Variants in GRID1 observed in about 807,000 individuals in gnomAD.
GRID1 encodes the protein glutamate receptor ionotropic, delta-1.
A neutral mutation model predicts 98.0 loss-of-function variants in GRID1; 28 were observed. That is an observed-to-expected ratio of 0.29 (90% CI 0.21 to 0.39). The LOEUF (loss-of-function observed/expected upper bound fraction) is 0.39, where lower values mean the gene tolerates loss of function less well. Among genes scored for constraint, GRID1 ranks in the 10% least tolerant of loss-of-function variants. The probability of loss-of-function intolerance (pLI) is 1.00; values close to 1 mark genes in which losing one functional copy is unlikely to be tolerated. For synonymous variants in GRID1, 553 were observed against 538.5 expected (o/e 1.03, Z -0.37); for missense variants, 1,111 against 1,340.5 (o/e 0.83, Z 2.67).
chr10:85,905,729 T>A (rs530892577), intron 5 of GRID1, among the ~76,000 whole-genome samples: 135 of 152,226 alleles, frequency 8.9e-4, no homozygotes, highest in African/African-American at 3.1e-3. Flanking sequence ...CTATAAATCC[T>A]AAGCAACTAC....
chr10:85,886,764 TG>T (rs1290714583), intron 5 of GRID1, among the ~76,000 whole-genome samples: 1 of 152,226 alleles, frequency 6.6e-6, no homozygotes, highest in East Asian at 1.9e-4. Context: ...ATATATATTT[TG>T]GCAAACCAGG....
intron 4 of GRID1, among the ~76,000 whole-genome samples, chr10:86,052,228 G>A (rs1305609157): frequency 2.0e-5 from 3 of 152,236 alleles, no homozygotes; most frequent in Non-Finnish European, 2.9e-5. Context: ...AGAAGTGAAG[G>A]AATGTGAATT....
chr10:86,044,307 G>C (rs1843388816), intron 4 of GRID1, among the ~76,000 whole-genome samples: 3 of 152,166 alleles, frequency 2.0e-5, no homozygotes, highest in Admixed American at 6.5e-5. Flanking sequence ...CTACTTGCTT[G>C]CTAATCATAG....
intron 8 of GRID1, among the ~76,000 whole-genome samples, chr10:85,798,167 G>A (rs1359177600): frequency 6.6e-6 from 1 of 152,170 alleles, no homozygotes; most frequent in Admixed American, 6.5e-5. Context: ...TCTATTTTAA[G>A]TTCTTAACAA....
intron 4 of GRID1, among the ~76,000 whole-genome samples, chr10:85,955,176 T>C (rs533942813): frequency 6.6e-6 from 1 of 152,276 alleles, no homozygotes; most frequent in Non-Finnish European, 1.5e-5. Flanking sequence ...CATCTCCCTG[T>C]CCCTTGGATG....
In GRID1 at chr10:86,175,628, C is replaced by A. The variant is rs370765960; in HGVS notation, c.520+30736G>T. 1.6e-4 allele frequency among the ~76,000 whole-genome samples: 24 copies of A among 152,336 alleles called. No homozygotes were observed. In the East Asian group the frequency reaches 4.0e-3, roughly 26 times the overall value. On this transcript the variant is annotated intron_variant, in intron 3 of 15. Coordinates refer to ENST00000327946, the MANE Select transcript of GRID1 (RefSeq NM_017551.3). ...GTGGTTGACACTCACACCAATGCACCTCCAGTGCCCAGAGCTGTGCCTGGC... is the reference window on the plus strand; with the variant it reads ...GTGGTTGACACTCACACCAATGCACATCCAGTGCCCAGAGCTGTGCCTGGC...
intron 3 of GRID1, among the ~76,000 whole-genome samples, chr10:86,164,239 C>A (rs1166400255): frequency 1.3e-5 from 2 of 152,188 alleles, no homozygotes; most frequent in South Asian, 2.1e-4. Flanking sequence ...GGGGGAGGCT[C>A]CAGCCCAGCG....
At chr10:86,151,047 T>G (rs1472303178) in intron 3 of GRID1, among the ~76,000 whole-genome samples, 1 of 152,178 alleles carries the variant, frequency 6.6e-6, no homozygotes, top group Non-Finnish European at 1.5e-5. Context: ...TGAAGTAATT[T>G]GCATATACTG....
At chr10:86,072,193 G>A (rs184024309) in intron 4 of GRID1, among the ~76,000 whole-genome samples, 7 of 152,224 alleles carry the variant, frequency 4.6e-5, no homozygotes, top group African/African-American at 9.6e-5. Flanking sequence ...TATTTCAGAC[G>A]TTCAAGTTTA....
chr10:86,112,384 G>A (rs957584782), intron 4 of GRID1, among the ~76,000 whole-genome samples: 5 of 152,170 alleles, frequency 3.3e-5, no homozygotes, highest in East Asian at 3.9e-4. Flanking sequence ...TGAATGTCAC[G>A]TCAAGAATCT....
At chr10:85,651,472 A>G (rs908431004) in intron 12 of GRID1, among the ~76,000 whole-genome samples, 1 of 152,198 alleles carries the variant, frequency 6.6e-6, no homozygotes, top group Non-Finnish European at 1.5e-5. Context: ...TCTTGCTGCC[A>G]AGGTACATGC....
At chr10:86,163,401 C>T (rs935723542) in intron 3 of GRID1, among the ~76,000 whole-genome samples, 5 of 145,236 alleles carry the variant, frequency 3.4e-5, no homozygotes, top group African/African-American at 1.1e-4. Flanking sequence ...CATGTTTTGA[C>T]GCATTTCTTT....
intron 8 of GRID1, among the ~76,000 whole-genome samples, chr10:85,778,815 C>A (rs891633687): frequency 6.6e-6 from 1 of 152,210 alleles, no homozygotes; most frequent in Non-Finnish European, 1.5e-5. Context: ...TATTTCCAGT[C>A]TGCCATGCTG....
At chr10:86,342,700 G>A (rs1589455609) in intron 2 of GRID1, among the ~76,000 whole-genome samples, 1 of 152,196 alleles carries the variant, frequency 6.6e-6, no homozygotes, top group African/African-American at 2.4e-5. Flanking sequence ...CCCTGCCCAG[G>A]AGCAGCCTGA....
At chr10:86,033,292 C>G (rs78412059) in intron 4 of GRID1, among the ~76,000 whole-genome samples, 6,463 of 152,120 alleles carry the variant, frequency 0.042, 404 homozygotes, top group African/African-American at 0.14. Flanking sequence ...TTATCATCAT[C>G]AAACATTTCT....
chr10:85,898,289 C>A (rs1841323459), intron 5 of GRID1, among the ~76,000 whole-genome samples: 1 of 152,148 alleles, frequency 6.6e-6, no homozygotes, highest in African/African-American at 2.4e-5. Context: ...GCTTGCAGAA[C>A]AGGAAGTTGC....
chr10:86,187,090 G>A (rs1845735623), intron 3 of GRID1, among the ~76,000 whole-genome samples: 1 of 152,154 alleles, frequency 6.6e-6, no homozygotes, highest in African/African-American at 2.4e-5. Flanking sequence ...CATCCCCAGA[G>A]GACAGAGATC....
At chr10:85,843,039 T>A (rs1401842243) in intron 8 of GRID1, among the ~76,000 whole-genome samples, 1 of 151,962 alleles carries the variant, frequency 6.6e-6, no homozygotes, top group African/African-American at 2.4e-5. Flanking sequence ...GCAAATACAA[T>A]CCAACAATGT....
At chr10:86,010,814 CAA>C (rs58304694) in intron 4 of GRID1, among the ~76,000 whole-genome samples, 18 of 114,486 alleles carry the variant, frequency 1.6e-4, no homozygotes, top group Admixed American at 2.7e-4. Flanking sequence ...ACTATGTCTC[CAA>C]AAAAAAAAAA....
Sources: allele counts gnomAD v4.1 joint callset (sites outside exome capture counted in the v4.1 genomes callset), GRCh38; gene constraint gnomAD v4.1.1; transcripts MANE v1.5; gene names NCBI Gene and HGNC (gene_info 2026-07-23, HGNC 2026-07-21).